Variants in SLC47A1 observed in about 807,000 individuals in gnomAD.
The protein encoded by SLC47A1 is multidrug and toxin extrusion protein 1.
In SLC47A1, 58 loss-of-function variants were observed where a neutral mutation model predicts 65.8. The ratio of observed to expected loss-of-function variants is 0.88; its 90% CI spans 0.71 to 1.10. The LOEUF (loss-of-function observed/expected upper bound fraction) is 1.10. Among genes scored for constraint, SLC47A1 ranks in the 50% least tolerant of loss-of-function variants. The pLI, the probability that SLC47A1 is intolerant of heterozygous loss-of-function variation, is 0.00. For missense variants in SLC47A1, 706 were observed against 719.2 expected, an observed-to-expected ratio of 0.98 and a Z score of 0.21; for synonymous variants, 285 against 295.0, an observed-to-expected ratio of 0.97 and a Z score of 0.35.
intron 1 of SLC47A1, 176 bp downstream of exon 1, chr17:19,534,250 C>A: frequency 1.3e-6 from 1 of 778,794 alleles, no homozygotes; most frequent in Non-Finnish European, 1.8e-6. Context: ...GCCTGCGTCC[C>A]GGCCGCTTTC....
intron 10 of SLC47A1, chr17:19,557,570 T>A (rs1916653375): frequency 1.9e-6 from 1 of 515,666 alleles, no homozygotes; most frequent in African/African-American, 1.9e-5. Context: ...GCCCAGGGTA[T>A]GTTCACGGGG....
At chr17:19,575,849 G>T (rs1254561636) in intron 16 of SLC47A1, among the ~76,000 whole-genome samples, 1 of 152,100 alleles carries the variant, frequency 6.6e-6, no homozygotes, top group Admixed American at 6.6e-5. Flanking sequence ...ATGAATAAGA[G>T]AAAAGGCATA....
chr17:19,537,489 T>G (rs1441058796), intron 1 of SLC47A1, among the ~76,000 whole-genome samples: 2 of 152,130 alleles, frequency 1.3e-5, no homozygotes, highest in African/African-American at 4.8e-5. Context: ...GGTGGTTCCT[T>G]CCATTCAAAG....
intron 16 of SLC47A1, among the ~76,000 whole-genome samples, chr17:19,573,409 G>A (rs890246275): frequency 5.9e-5 from 9 of 152,102 alleles, no homozygotes; most frequent in East Asian, 5.8e-4. Flanking sequence ...CTTAGTCAGT[G>A]GTCAGTTGTG....
intron 12 of SLC47A1, among the ~76,000 whole-genome samples, chr17:19,565,015 G>A (rs2084345224): frequency 6.6e-6 from 1 of 151,838 alleles, no homozygotes; most frequent in African/African-American, 2.4e-5. Context: ...CACCACTCCT[G>A]GGCCAGTGCT....
At position 19,534,014 on chromosome 17, in the gene SLC47A1, C is replaced by A; in HGVS notation, c.75C>A (p.Cys25Ter). The A allele has an allele frequency of 6.5e-7, 1 of 1,545,704 alleles. No individual in the cohort carries two copies. The highest frequency in any genetic ancestry group is 8.7e-7 in the Non-Finnish European group (1 of 1,146,804). The change falls in exon 1 of 17, where the codon TGC becomes TGA. Residue 25 changes from cysteine to a stop codon, truncating the protein, a stop_gained. Transcript: ENST00000270570. LOFTEE classifies it high-confidence loss of function. ...EATLEVRGSRCLRLSAFREEL... is the reference protein window; with the variant it reads ...EATLEVRGSR ...CCCTTGAGGTCCGTGGGTCGCGCTG[C>A]TTGCGGCTGTCCGCCTTCCGAGAAG...
chr17:19,571,208 C>A (rs2084396992), intron 14 of SLC47A1, among the ~76,000 whole-genome samples: 1 of 151,962 alleles, frequency 6.6e-6, no homozygotes, highest in Admixed American at 6.6e-5. Flanking sequence ...CCAAAAATAT[C>A]CTCTGAATAT....
At chr17:19,545,152 GT>G (rs1916252677) in intron 2 of SLC47A1, among the ~76,000 whole-genome samples, 1 of 152,124 alleles carries the variant, frequency 6.6e-6, no homozygotes, top group Non-Finnish European at 1.5e-5. Flanking sequence ...CTGCAAACTG[GT>G]TGGTGTCAGA....
intron 2 of SLC47A1, among the ~76,000 whole-genome samples, chr17:19,544,812 A>G (rs1396934396): frequency 1.3e-5 from 2 of 152,228 alleles, no homozygotes; most frequent in African/African-American, 4.8e-5. Flanking sequence ...AGCCTGGGTA[A>G]TCACCTCTAG....
chr17:19,548,535 C>T (rs1209969959), intron 4 of SLC47A1, among the ~76,000 whole-genome samples: 1 of 149,264 alleles, frequency 6.7e-6, no homozygotes, highest in Non-Finnish European at 1.5e-5. Context: ...AGTCTCACTC[C>T]GTCCCCCAGA....
At chr17:19,536,216 C>A (rs1915983480) in intron 1 of SLC47A1, among the ~76,000 whole-genome samples, 1 of 151,172 alleles carries the variant, frequency 6.6e-6, no homozygotes, top group African/African-American at 2.4e-5. Context: ...TAAGCATAAG[C>A]CACCTTGCCC....
intron 14 of SLC47A1, 32 bp downstream of exon 14, chr17:19,567,260 C>T (rs1388888927): frequency 1.2e-6 from 2 of 1,613,180 alleles, no homozygotes; most frequent in Non-Finnish European, 1.7e-6. Flanking sequence ...CAGGGCTTAG[C>T]TGCTCACCAG....
rs1026351939 is a variant in SLC47A1 at position 19,545,340 on chromosome 17, G to A, written c.238-1095G>A. ...CTCCTGAGTAGCTGGGAATACAGGCGCCCGCCACTATGCTGGGCTAATTTT... is the reference window on the plus strand; with the variant it reads ...CTCCTGAGTAGCTGGGAATACAGGCACCCGCCACTATGCTGGGCTAATTTT... On this transcript the variant is annotated intron_variant, in intron 2 of 16. Transcript: ENST00000270570. 4.0e-5 allele frequency among the ~76,000 whole-genome samples: 6 copies of A among 151,704 alleles called. No homozygotes were observed. In the South Asian group the frequency reaches 8.3e-4, roughly 21 times the overall value.
chr17:19,553,886 A>G (rs961492942), intron 6 of SLC47A1, among the ~76,000 whole-genome samples: 1 of 151,866 alleles, frequency 6.6e-6, no homozygotes, highest in Admixed American at 6.6e-5. Context: ...ATTTCAGAGG[A>G]CCTTAACCTG....
intron 4 of SLC47A1, 67 bp from the exon 5 acceptor site, chr17:19,549,568 C>T (rs1916388181): frequency 6.7e-7 from 1 of 1,501,840 alleles, no homozygotes; most frequent in Non-Finnish European, 9.2e-7. Context: ...TTTTCTTCTG[C>T]CTAACTTTCC....
chr17:19,573,850 T>C (rs1264604912), intron 16 of SLC47A1, among the ~76,000 whole-genome samples: 2 of 151,936 alleles, frequency 1.3e-5, no homozygotes, highest in Non-Finnish European at 2.9e-5. Flanking sequence ...TGGAGCTTTC[T>C]GGAGCACCCA....
At position 19,578,268 on chromosome 17, in the gene SLC47A1, T is replaced by C; in HGVS notation, c.*715T>C. The C allele has an allele frequency of 3.0e-6, 1 of 328,216 alleles. No individual in the cohort carries two copies. Among genetic ancestry groups the C allele is most frequent in the Non-Finnish European group, 6.0e-6 (1 of 166,940 alleles). 20.3% of individuals were successfully genotyped at this position (328,216 alleles called of 1,614,324 possible). ...AGACTGATAATTCCTGGTAGGGGTGTGTGCGTGACGTACTGCAGCCTCAAC... is the reference window on the plus strand; with the variant it reads ...AGACTGATAATTCCTGGTAGGGGTGCGTGCGTGACGTACTGCAGCCTCAAC... On this transcript the variant is annotated 3_prime_UTR_variant, in exon 17 of 17. Transcript: ENST00000270570.
chr17:19,547,865 G>A (rs925628836), intron 3 of SLC47A1, 120 bp from the exon 4 acceptor site: 2 of 1,115,202 alleles, frequency 1.8e-6, no homozygotes, highest in South Asian at 3.6e-5. Context: ...TGGGATTACA[G>A]GCGTGAGCCA....
At chr17:19,563,726 C>T (rs983615267) in intron 12 of SLC47A1, among the ~76,000 whole-genome samples, 16 of 148,030 alleles carry the variant, frequency 1.1e-4, no homozygotes, top group Middle Eastern at 7.5e-3. Context: ...CGGTGGCTCA[C>T]GCCTGTAATC....
Sources: allele counts gnomAD v4.1 joint callset (sites outside exome capture counted in the v4.1 genomes callset), GRCh38; gene constraint gnomAD v4.1.1; transcripts MANE v1.5; gene names NCBI Gene and HGNC (gene_info 2026-07-23, HGNC 2026-07-21).